DISC1: variants seen among roughly 807,000 people sequenced by gnomAD.
DISC1 encodes the protein disrupted in schizophrenia 1 protein.
In DISC1, 57 loss-of-function variants were observed where a neutral mutation model predicts 84.5. The ratio of observed to expected loss-of-function variants is 0.67; its 90% CI spans 0.55 to 0.84. The LOEUF (loss-of-function observed/expected upper bound fraction) is 0.84, where lower values mean the gene tolerates loss of function less well. Among genes scored for constraint, DISC1 ranks in the 40% least tolerant of loss-of-function variants. The pLI is 0.00. For synonymous variants in DISC1, 411 were observed against 415.2 expected, an observed-to-expected ratio of 0.99 and a Z score of 0.12; for missense variants, 1,000 against 1,057.8, an observed-to-expected ratio of 0.95 and a Z score of 0.76.
At chr1:231,887,425 A>G (rs960958360) in intron 9 of DISC1, among the ~76,000 whole-genome samples, 1 of 152,206 alleles carries the variant, frequency 6.6e-6, no homozygotes, top group Non-Finnish European at 1.5e-5. Context: ...AGGTGGAAGG[A>G]TGAACATAAG....
intron 4 of DISC1, among the ~76,000 whole-genome samples, chr1:231,760,877 C>T (rs1365613318): frequency 2.0e-5 from 3 of 152,206 alleles, no homozygotes; most frequent in African/African-American, 4.8e-5. Context: ...AATGTAGGCT[C>T]ATCACAGGCG....
At chr1:231,816,436 C>A (rs2080987761) in intron 8 of DISC1, among the ~76,000 whole-genome samples, 1 of 152,100 alleles carries the variant, frequency 6.6e-6, no homozygotes. Context: ...TGATAAAGCC[C>A]ATTTATCCTT....
chr1:231,701,826 G>GTT, intron 2 of DISC1, 129 bp from the exon 3 acceptor site: 56 of 762,008 alleles, frequency 7.3e-5, no homozygotes, highest in South Asian at 1.4e-4. Flanking sequence ...GTGCATTTTT[G>GTT]TTTTTTTTTT....
At chr1:231,999,523 C>G (rs1357174643) in intron 10 of DISC1, among the ~76,000 whole-genome samples, 3 of 152,146 alleles carry the variant, frequency 2.0e-5, no homozygotes, top group Non-Finnish European at 2.9e-5. Flanking sequence ...CCCAGAGACA[C>G]CTGGTTAGCC....
At chr1:231,926,100 T>C (rs949025220) in intron 9 of DISC1, 1 of 152,236 alleles carries the variant, frequency 6.6e-6, no homozygotes, top group African/African-American at 2.4e-5. Flanking sequence ...TATGTGTTCC[T>C]GAAGAGAATT....
chr1:231,805,553 G>A (rs1296852732), intron 8 of DISC1, among the ~76,000 whole-genome samples: 4 of 152,118 alleles, frequency 2.6e-5, no homozygotes, highest in African/African-American at 9.7e-5. Context: ...TATGGCAACA[G>A]CATCACCAAG....
At chr1:231,784,533 C>T (rs2077683699) in intron 6 of DISC1, among the ~76,000 whole-genome samples, 1 of 152,162 alleles carries the variant, frequency 6.6e-6, no homozygotes, top group Admixed American at 6.5e-5. Context: ...GAGAGAAAAA[C>T]TCTAAATATA....
intron 1 of DISC1, among the ~76,000 whole-genome samples, chr1:231,658,553 G>T (rs982292385): frequency 6.6e-6 from 1 of 152,196 alleles, no homozygotes; most frequent in Middle Eastern, 3.4e-3. Context: ...CTTGTTTTGG[G>T]CTGTTTTTCA....
intron 1 of DISC1, among the ~76,000 whole-genome samples, chr1:231,686,143 G>A (rs1387814006): frequency 2.0e-5 from 3 of 152,192 alleles, no homozygotes; most frequent in Non-Finnish European, 4.4e-5. Context: ...GCTTTTCCAG[G>A]TGGATAGTGC....
At chr1:231,836,629 C>G (rs1439027763) in intron 9 of DISC1, among the ~76,000 whole-genome samples, 1 of 152,196 alleles carries the variant, frequency 6.6e-6, no homozygotes, top group Non-Finnish European at 1.5e-5. Flanking sequence ...CCGACTATGT[C>G]TTCCCACGGC....
chr1:231,942,105 G>A lies in DISC1; in HGVS notation c.1982-16723G>A, dbSNP rs548431856. Among the ~76,000 whole-genome samples, 3 of 152,256 alleles carry A rather than the reference G, an allele frequency of 2.0e-5. No homozygotes were observed. The South Asian group carries it at 6.2e-4, about 32-fold the overall frequency. On this transcript the variant is annotated intron_variant, in intron 9 of 12. Coordinates refer to ENST00000439617, the MANE Select transcript of DISC1 (RefSeq NM_018662.3). ...GGGAAAGAGGGAAAAAACAAGCAAG[G>A]CTGACCATGCCCCACCTGAAGGTTT...
At chr1:231,847,431 A>G (rs537989282) in intron 9 of DISC1, among the ~76,000 whole-genome samples, 2 of 152,264 alleles carry the variant, frequency 1.3e-5, no homozygotes, top group South Asian at 4.1e-4. Context: ...AGCCTATTCC[A>G]TACCTCATTT....
intron 9 of DISC1, among the ~76,000 whole-genome samples, chr1:231,939,333 C>T (rs575905545): frequency 2.0e-4 from 31 of 152,246 alleles, no homozygotes; most frequent in African/African-American, 5.1e-4. Flanking sequence ...AGTTGTTGAG[C>T]GAATAAATGA....
rs1491245065 is a variant in DISC1, at chr1:232,021,331, T to TGTAC, written c.2308-5104_2308-5103insGTAC. On this transcript the variant is annotated intron_variant, in intron 11 of 12. Coordinates refer to ENST00000439617, the MANE Select transcript of DISC1 (RefSeq NM_018662.3). ...TAGGAAATTTTTACTGTACTTGTTC[T>TGTAC]ATACACACACACACACACACACACA... Among the ~76,000 whole-genome samples the TGTAC allele has an allele frequency of 8.4e-5, 9 of 107,702 alleles. No homozygotes were observed. The East Asian group carries it at 2.1e-3, about 26-fold the overall frequency. 70.7% of individuals were successfully genotyped at this position (107,702 alleles called of 152,430 possible).
chr1:231,793,902 C>A (rs1050726372), intron 6 of DISC1, among the ~76,000 whole-genome samples: 1 of 151,992 alleles, frequency 6.6e-6, no homozygotes, highest in African/African-American at 2.4e-5. Context: ...TAGAATTTAC[C>A]CCATATTTAC....
chr1:231,993,341 A>T (rs1665478863), intron 10 of DISC1, among the ~76,000 whole-genome samples: 1 of 151,582 alleles, frequency 6.6e-6, no homozygotes, highest in Admixed American at 6.6e-5. Context: ...TTGAAAAGGA[A>T]TAAGAGGCAT....
At chr1:231,782,182 C>T (rs1364490587) in intron 6 of DISC1, among the ~76,000 whole-genome samples, 1 of 152,174 alleles carries the variant, frequency 6.6e-6, no homozygotes, top group Non-Finnish European at 1.5e-5. Flanking sequence ...CCTCAGCTTC[C>T]TCTTTGAGTC....
chr1:231,936,460 C>G (rs2090987397), intron 9 of DISC1, among the ~76,000 whole-genome samples: 1 of 152,142 alleles, frequency 6.6e-6, no homozygotes, highest in African/African-American at 2.4e-5. Flanking sequence ...TCTCTACCCA[C>G]ACCGTGAAAA....
At chr1:231,767,080 T>C in intron 4 of DISC1, 60 bp from the exon 5 acceptor site, 2 of 1,600,672 alleles carry the variant, frequency 1.2e-6, no homozygotes, top group Non-Finnish European at 8.5e-7. Flanking sequence ...TTAAAATACT[T>C]GTCAACATGA....
Sources: allele counts gnomAD v4.1 joint callset (sites outside exome capture counted in the v4.1 genomes callset), GRCh38; gene constraint gnomAD v4.1.1; transcripts MANE v1.5; gene names NCBI Gene and HGNC (gene_info 2026-07-23, HGNC 2026-07-21).